The following KAZN variants were observed in gnomAD, a reference collection of about 807,000 sequenced individuals.
KAZN encodes kazrin.
Under a neutral mutation model 87.4 loss-of-function variants are expected in KAZN, and 40 were observed. That is an observed-to-expected ratio of 0.46 (90% CI 0.36 to 0.60). The LOEUF is 0.60. KAZN is among the 20% of genes least tolerant of loss of function. The probability of loss-of-function intolerance (pLI) is 0.00; values close to 1 mark genes in which losing one functional copy is unlikely to be tolerated. For synonymous variants in KAZN, 466 were observed against 458.3 expected (o/e 1.02, Z -0.22); for missense variants, 898 against 1,073.9 (o/e 0.84, Z 2.29).
chr1:14,169,155 G>A (rs1645896306), intron 1 of KAZN, among the ~76,000 whole-genome samples: 1 of 152,066 alleles, frequency 6.6e-6, no homozygotes, highest in African/African-American at 2.4e-5. Context: ...GGAGAAGAAG[G>A]GAATTTATCA....
chr1:14,101,274 G>A (rs72862542), intron 1 of KAZN, among the ~76,000 whole-genome samples: 6 of 152,186 alleles, frequency 3.9e-5, no homozygotes, highest in Admixed American at 6.5e-5. Flanking sequence ...TATTTATTAC[G>A]TGCTTATTAT....
chr1:14,330,390 C>T (rs1246310575), intron 2 of KAZN, among the ~76,000 whole-genome samples: 19 of 152,280 alleles, frequency 1.2e-4, no homozygotes, highest in Non-Finnish European at 2.4e-4. Flanking sequence ...CCCACAATTC[C>T]ATCTGTGCCA....
intron 2 of KAZN, among the ~76,000 whole-genome samples, chr1:14,473,083 C>T (rs1381779879): frequency 6.6e-6 from 1 of 152,164 alleles, no homozygotes; most frequent in Non-Finnish European, 1.5e-5. Context: ...CCGAATTATT[C>T]TCCGTGATCA....
intron 2 of KAZN, among the ~76,000 whole-genome samples, chr1:14,569,527 T>A (rs1674735595): frequency 6.6e-6 from 1 of 151,776 alleles, no homozygotes; most frequent in Non-Finnish European, 1.5e-5. Flanking sequence ...TTTCACCGTG[T>A]TAGCCAGGAT....
At chr1:15,012,112 A>C (rs1669633224) in intron 2 of KAZN, among the ~76,000 whole-genome samples, 1 of 152,156 alleles carries the variant, frequency 6.6e-6, no homozygotes, top group Non-Finnish European at 1.5e-5. Context: ...AGCTGCTACC[A>C]TTCCTCGTTT....
chr1:13,899,515 G>T (rs956315434), intron 1 of KAZN, among the ~76,000 whole-genome samples: 4 of 152,166 alleles, frequency 2.6e-5, no homozygotes, highest in African/African-American at 9.7e-5. Flanking sequence ...AATGAATGTG[G>T]AATCTGTTAA....
chr1:14,381,069 C>G (rs1247662943), intron 2 of KAZN, among the ~76,000 whole-genome samples: 1 of 152,188 alleles, frequency 6.6e-6, no homozygotes, highest in African/African-American at 2.4e-5. Context: ...TGGCCATCAT[C>G]CCACAGAGCT....
At chr1:14,042,809 T>G (rs766433107) in intron 1 of KAZN, among the ~76,000 whole-genome samples, 1 of 152,216 alleles carries the variant, frequency 6.6e-6, no homozygotes, top group Non-Finnish European at 1.5e-5. Context: ...TTCCAAAACT[T>G]TTGCATGTTA....
Position 14,188,750 on chromosome 1 carries a change from T to C in KAZN, c.249+8158T>C, listed in dbSNP as rs367738792. ...TCCCTGGTGGCATGCACTCAGGAAA[T>C]GTAAACCAGTGTTAGTCTGAATGAG... On this transcript the variant is annotated intron_variant, in intron 2 of 16. Coordinates refer to the KAZN transcript ENST00000636203. 3.9e-5 allele frequency among the ~76,000 whole-genome samples: 6 copies of C among 152,310 alleles called. No individual in the cohort carries two copies. The East Asian group carries it at 1.2e-3, about 29-fold the overall frequency.
chr1:14,587,514 C>A (rs1175543711), intron 2 of KAZN, among the ~76,000 whole-genome samples: 1 of 151,162 alleles, frequency 6.6e-6, no homozygotes, highest in Non-Finnish European at 1.5e-5. Flanking sequence ...GTGGTGCTAG[C>A]TTCTGGTGAG....
intron 2 of KAZN, among the ~76,000 whole-genome samples, chr1:14,274,934 G>A (rs190209605): frequency 6.6e-6 from 1 of 151,856 alleles, no homozygotes; most frequent in East Asian, 1.9e-4. Flanking sequence ...TTATGATTCA[G>A]CAGAGAAAAG....
chr1:15,079,657 G>A (rs1236731052), intron 8 of KAZN, among the ~76,000 whole-genome samples: 2 of 152,098 alleles, frequency 1.3e-5, no homozygotes, highest in African/African-American at 2.4e-5. Flanking sequence ...CCTGTGTCAA[G>A]ATCCCCCCCT....
chr1:14,857,584 C>T (rs1650284514), intron 1 of KAZN, among the ~76,000 whole-genome samples: 1 of 152,014 alleles, frequency 6.6e-6, no homozygotes, highest in African/African-American at 2.4e-5. Flanking sequence ...TGAAAGGGGC[C>T]TCCTTGGATA....
intron 2 of KAZN, among the ~76,000 whole-genome samples, chr1:14,218,597 A>C (rs1452775719): frequency 6.6e-6 from 1 of 152,164 alleles, no homozygotes; most frequent in Non-Finnish European, 1.5e-5. Context: ...CAGACAATTT[A>C]TGTTCAGTAA....
intron 2 of KAZN, among the ~76,000 whole-genome samples, chr1:14,300,692 C>T (rs1179773946): frequency 6.6e-6 from 1 of 152,170 alleles, no homozygotes; most frequent in Non-Finnish European, 1.5e-5. Context: ...GAGATAGTGG[C>T]CATGTTAACA....
intron 2 of KAZN, among the ~76,000 whole-genome samples, chr1:14,424,506 G>A (rs1012080903): frequency 6.6e-6 from 1 of 152,084 alleles, no homozygotes. Flanking sequence ...CCACACATAC[G>A]CAGAGCCACC....
intron 1 of KAZN, among the ~76,000 whole-genome samples, chr1:13,929,913 G>C (rs12028508): frequency 0.018 from 2,809 of 152,278 alleles, 86 homozygotes; most frequent in African/African-American, 0.061. Context: ...TGATAGGTGG[G>C]GAGGCTGAGG....
chr1:15,066,674 G>C lies in KAZN; in HGVS notation c.1222+921G>C. The C allele has an allele frequency of 2.0e-6, 2 of 985,254 alleles. No individual in the cohort carries two copies. The highest frequency in any genetic ancestry group is 1.2e-6 in the Non-Finnish European group (1 of 829,862). 61.0% of individuals were successfully genotyped at this position (985,254 alleles called of 1,614,324 possible). On this transcript the variant is annotated intron_variant, in intron 8 of 14. Transcript: ENST00000376030. The surrounding 1 kb of genome is among the most constrained non-coding windows in gnomAD (Gnocchi z 4.3). ...GGAATGTCTATTTTTCCATGGGGTG[G>C]GCGGGAGGTGGGTGTCTCTGTTGAC...
intron 2 of KAZN, among the ~76,000 whole-genome samples, chr1:14,435,754 C>T (rs554085955): frequency 6.4e-4 from 98 of 152,204 alleles, no homozygotes; most frequent in African/African-American, 2.2e-3. Context: ...CAGGGCCTAA[C>T]GATATCTTCG....
Sources: gnomAD v4.1 joint callset for allele counts (sites outside exome capture counted in the v4.1 genomes callset) on GRCh38, gnomAD v4.1.1 for gene constraint, Gnocchi (gnomAD v3.1) non-coding constraint, MANE v1.5 for transcripts, NCBI Gene and HGNC (gene_info 2026-07-23, HGNC 2026-07-21) for gene names.